EHD3: variants seen among roughly 807,000 people sequenced by gnomAD.
EHD3 encodes the protein EH domain-containing protein 3.
EHD3 carries 17 observed loss-of-function variants against 43.0 expected under a neutral mutation model. The observed-to-expected ratio is 0.40, with a 90% CI of 0.27 to 0.59. EHD3 has a LOEUF of 0.59. EHD3 is among the 20% of genes least tolerant of loss of function. The pLI is 0.49. For missense variants in EHD3, 594 were observed against 705.6 expected (o/e 0.84, Z 1.79); for synonymous variants, 313 against 289.5 (o/e 1.08, Z -0.82).
At chr2:31,253,617 A>G (rs1187918243) in intron 3 of EHD3, among the ~76,000 whole-genome samples, 1 of 152,220 alleles carries the variant, frequency 6.6e-6, no homozygotes, top group African/African-American at 2.4e-5. Flanking sequence ...GCTGCTTCCC[A>G]GGGCTCCAAG....
chr2:31,257,784 C>G (rs115867171), intron 3 of EHD3, among the ~76,000 whole-genome samples: 1,523 of 152,222 alleles, frequency 0.01, 28 homozygotes, highest in African/African-American at 0.035. Flanking sequence ...ATGCCCCTGC[C>G]CACTGGGCAG....
At position 31,260,872 on chromosome 2, in the gene EHD3, G is replaced by T; in HGVS notation, c.865G>T (p.Ala289Ser). 6.2e-7 allele frequency: 1 copy of T among 1,613,958 alleles called. No homozygotes were observed. Among genetic ancestry groups the T allele is most frequent in the Non-Finnish European group, 8.5e-7 (1 of 1,179,926 alleles). The change falls in exon 4 of 6, where the codon GCT becomes TCT. Residue 289 changes from alanine to serine, a missense_variant. Transcript: ENST00000322054. The surrounding 1 kb of genome is among the most constrained non-coding windows in gnomAD (Gnocchi z 4.6). ...GGACATCCAGAGTCTGCCCCGAAAT[G>T]CTGCCCTGCGCAAGCTCAACGACCT... is the stretch of plus-strand genomic sequence containing the variant. ...FRDIQSLPRN[A>S]ALRKLNDLIK...
rs541698449 is a variant in EHD3, at chr2:31,268,982, G to A, written c.*2278G>A. The A allele has an allele frequency of 3.3e-5, 5 of 152,310 alleles. No individual in the cohort carries two copies. The highest frequency in any genetic ancestry group is 1.2e-4 in the African/African-American group (5 of 41,556). The allele number at this position is 152,310 out of a possible 1,614,324, so 9.4% of individuals were successfully genotyped here. ...ACCCAGGAGAGACCTGTGAGGTGTGGGAATTCCATGTTTGCACAGCTCCCA... is the reference window on the plus strand; with the variant it reads ...ACCCAGGAGAGACCTGTGAGGTGTGAGAATTCCATGTTTGCACAGCTCCCA... On this transcript the variant is annotated 3_prime_UTR_variant, in exon 6 of 6. Transcript: ENST00000322054.
chr2:31,251,192 C>T (rs1296454680), intron 3 of EHD3, among the ~76,000 whole-genome samples: 2 of 152,236 alleles, frequency 1.3e-5, no homozygotes, highest in Non-Finnish European at 2.9e-5. Flanking sequence ...TGTGAGCTGC[C>T]TTGGTGTCCT....
chr2:31,240,692 C>G (rs1414483597), intron 1 of EHD3, among the ~76,000 whole-genome samples: 1 of 152,224 alleles, frequency 6.6e-6, no homozygotes, highest in Admixed American at 6.5e-5. Context: ...CTGAGAACAC[C>G]ACGTCCCTCT....
chr2:31,244,473 A>G (rs1434264258), intron 2 of EHD3, 23 bp downstream of exon 2: 30 of 1,606,916 alleles, frequency 1.9e-5, no homozygotes, highest in Non-Finnish European at 2.5e-5. Flanking sequence ...GGAACACAAC[A>G]CTTTCAGGTG....
intron 5 of EHD3, 152 bp downstream of exon 5, chr2:31,261,865 GCTGGGCCATCA>G: frequency 1.0e-6 from 1 of 968,920 alleles, no homozygotes; most frequent in Non-Finnish European, 1.5e-6. Context: ...TACACTCCTA[GCTGGGCCATCA>G]CTGGCCCAAC....
chr2:31,260,504 C>T lies in EHD3; in HGVS notation c.503-6C>T, dbSNP rs567062495. On this transcript the variant is annotated splice_region_variant and splice_polypyrimidine_tract_variant and intron_variant, in intron 3 of 5. Coordinates refer to ENST00000322054, the MANE Select transcript of EHD3 (RefSeq NM_014600.3). The surrounding 1 kb of genome is among the most constrained non-coding windows in gnomAD (Gnocchi z 4.6). ...CCCCAGCCCCTGATTGTCCCTCTGCCGGCAGGGTATGACTTTGCAGCTGTC... is the reference window on the plus strand; with the variant it reads ...CCCCAGCCCCTGATTGTCCCTCTGCTGGCAGGGTATGACTTTGCAGCTGTC... 5 of 1,586,690 alleles carry T rather than the reference C, an allele frequency of 3.2e-6. No homozygotes were observed. The African/African-American group carries it at 4.0e-5, about 13-fold the overall frequency.
intron 1 of EHD3, among the ~76,000 whole-genome samples, chr2:31,238,595 T>C (rs1683363683): frequency 6.6e-6 from 1 of 152,248 alleles, no homozygotes; most frequent in Non-Finnish European, 1.5e-5. Context: ...ACAGTAGCTC[T>C]GTGTCCCTCT....
intron 5 of EHD3, among the ~76,000 whole-genome samples, chr2:31,262,576 AG>A (rs1466915686): frequency 2.0e-5 from 3 of 152,242 alleles, no homozygotes; most frequent in Non-Finnish European, 4.4e-5. Context: ...CTGAGCACAA[AG>A]CACCCACCCA....
At chr2:31,261,514 T>TG (rs756346803) in intron 4 of EHD3, 35 bp from the exon 5 acceptor site, 3 of 1,612,764 alleles carry the variant, frequency 1.9e-6, no homozygotes, top group Non-Finnish European at 2.5e-6. Context: ...TCCAGGGTCT[T>TG]GATGTGAAGG....
intron 3 of EHD3, among the ~76,000 whole-genome samples, chr2:31,255,837 C>A (rs1393546142): frequency 2.0e-5 from 3 of 152,066 alleles, no homozygotes; most frequent in Non-Finnish European, 4.4e-5. Flanking sequence ...GAAAGAGTTC[C>A]CAGAAGCCCT....
At chr2:31,242,937 G>A (rs1683448903) in intron 1 of EHD3, among the ~76,000 whole-genome samples, 1 of 151,812 alleles carries the variant, frequency 6.6e-6, no homozygotes, top group South Asian at 2.1e-4. Flanking sequence ...TCTAGCCTGG[G>A]CAACAAGAGT....
At chr2:31,243,033 T>G (rs1683450791) in intron 1 of EHD3, among the ~76,000 whole-genome samples, 1 of 151,760 alleles carries the variant, frequency 6.6e-6, no homozygotes, top group Non-Finnish European at 1.5e-5. Context: ...TCCCAGCACT[T>G]TGAGAGGCCA....
intron 1 of EHD3, among the ~76,000 whole-genome samples, chr2:31,243,428 C>T (rs1168437182): frequency 3.3e-5 from 3 of 91,662 alleles, no homozygotes; most frequent in African/African-American, 5.0e-5. Flanking sequence ...ATTTTTCTTT[C>T]TTTCTTTCTT....
intron 3 of EHD3, among the ~76,000 whole-genome samples, chr2:31,250,712 T>C (rs1683619514): frequency 6.6e-6 from 1 of 152,196 alleles, no homozygotes; most frequent in African/African-American, 2.4e-5. Context: ...CCATGTGTTG[T>C]ATCTCTGGCA....
chr2:31,258,912 G>A lies in EHD3; in HGVS notation c.503-1598G>A, dbSNP rs200710102. ...ATCTGGGTTTTAAGAAGCCCTGGGG[G>A]GATTCTGATGGAGGCTAAGTCAGGA... On this transcript the variant is annotated intron_variant, in intron 3 of 5. Transcript: ENST00000322054. Among the ~76,000 whole-genome samples the A allele has an allele frequency of 2.1e-3, 319 of 152,268 alleles. 1 individual carries two copies. Among genetic ancestry groups the A allele is most frequent in the East Asian group, 8.9e-3 (46 of 5,178 alleles).
At chr2:31,245,538 T>C (rs1320709709) in intron 2 of EHD3, among the ~76,000 whole-genome samples, 1 of 46,332 alleles carries the variant, frequency 2.2e-5, no homozygotes, top group Non-Finnish European at 3.5e-5. Context: ...AATATATATA[T>C]ATATATATAT....
intron 3 of EHD3, among the ~76,000 whole-genome samples, chr2:31,250,243 T>C (rs1408190678): frequency 6.6e-6 from 1 of 151,448 alleles, no homozygotes; most frequent in Admixed American, 6.6e-5. Context: ...GGATTATAGA[T>C]GATCATCATC....
Sources: allele counts gnomAD v4.1 joint callset (sites outside exome capture counted in the v4.1 genomes callset), GRCh38; gene constraint gnomAD v4.1.1; non-coding constraint Gnocchi (gnomAD v3.1); transcripts MANE v1.5; gene names NCBI Gene and HGNC (gene_info 2026-07-23, HGNC 2026-07-21).